DOCK9: variants seen among roughly 807,000 people sequenced by gnomAD.
DOCK9 encodes the protein dedicator of cytokinesis 9.
DOCK9 carries 89 observed loss-of-function variants against 263.3 expected under a neutral mutation model. The observed-to-expected ratio is 0.34, with a 90% CI of 0.28 to 0.40. The LOEUF is 0.40. Among genes scored for constraint, DOCK9 ranks in the 10% least tolerant of loss-of-function variants. DOCK9 has a pLI of 1.00. For synonymous variants in DOCK9, 976 were observed against 973.1 expected, an observed-to-expected ratio of 1.00 and a Z score of -0.06; for missense variants, 2,140 against 2,603.4, an observed-to-expected ratio of 0.82 and a Z score of 3.87.
At chr13:98,884,011 G>C (rs1224639214) in intron 21 of DOCK9, 112 bp from the exon 22 acceptor site, 5 of 742,324 alleles carry the variant, frequency 6.7e-6, no homozygotes, top group Non-Finnish European at 8.6e-6. Context: ...GAGAACTTTA[G>C]TGACTTGGCG....
chr13:98,804,526 G>A (rs1190392016), intron 49 of DOCK9, among the ~76,000 whole-genome samples: 2 of 152,116 alleles, frequency 1.3e-5, no homozygotes, highest in African/African-American at 4.8e-5. Flanking sequence ...GCCAGCCCCC[G>A]GGGGCAACAG....
intron 34 of DOCK9, among the ~76,000 whole-genome samples, chr13:98,854,354 A>C (rs1160529016): frequency 6.6e-6 from 1 of 152,160 alleles, no homozygotes; most frequent in Non-Finnish European, 1.5e-5. Context: ...CAATAGTGGA[A>C]AAAAGATGTT....
chr13:98,983,333 G>A (rs1012153379), intron 1 of DOCK9, among the ~76,000 whole-genome samples: 32 of 152,158 alleles, frequency 2.1e-4, no homozygotes, highest in African/African-American at 7.5e-4. Flanking sequence ...AAAGGGGCCC[G>A]AAAATGATCT....
At chr13:99,080,489 A>T (rs2042083435) in intron 1 of DOCK9, among the ~76,000 whole-genome samples, 1 of 152,224 alleles carries the variant, frequency 6.6e-6, no homozygotes, top group Admixed American at 6.5e-5. Context: ...CAGCCAATCA[A>T]TGAAATTGTT....
chr13:98,918,856 G>T, intron 7 of DOCK9, among the ~76,000 whole-genome samples: 1 of 152,178 alleles, frequency 6.6e-6, no homozygotes, highest in Non-Finnish European at 1.5e-5. Flanking sequence ...CAGGAAGGAA[G>T]ACAGGCCGAA....
intron 1 of DOCK9, among the ~76,000 whole-genome samples, chr13:99,049,586 T>C (rs1413461447): frequency 6.6e-6 from 1 of 152,144 alleles, no homozygotes; most frequent in African/African-American, 2.4e-5. Context: ...AGCACAATCA[T>C]GGCTCGCTGC....
intron 1 of DOCK9, among the ~76,000 whole-genome samples, chr13:99,068,914 CT>C (rs2041549955): frequency 6.6e-6 from 1 of 152,318 alleles, no homozygotes; most frequent in East Asian, 1.9e-4. Context: ...CATAGGAACT[CT>C]GCTTTCTACT....
At chr13:99,049,378 T>A (rs1280495434) in intron 1 of DOCK9, among the ~76,000 whole-genome samples, 1 of 151,794 alleles carries the variant, frequency 6.6e-6, no homozygotes, top group Non-Finnish European at 1.5e-5. Flanking sequence ...GGCCATGGAG[T>A]AAGGACATCT....
intron 1 of DOCK9, among the ~76,000 whole-genome samples, chr13:99,037,020 CTG>C (rs1381640040): frequency 1.3e-5 from 2 of 152,148 alleles, no homozygotes; most frequent in African/African-American, 4.8e-5. Context: ...AGCTCAGACT[CTG>C]ATGGATTTTT....
At chr13:98,855,776 GC>G in intron 34 of DOCK9, 121 bp downstream of exon 34, 1 of 1,163,292 alleles carries the variant, frequency 8.6e-7, no homozygotes. Flanking sequence ...CTCCAGGTCA[GC>G]CGGGTGGTTT....
intron 6 of DOCK9, 128 bp from the exon 7 acceptor site, chr13:98,921,216 G>A (rs1475284873): frequency 1.1e-6 from 1 of 930,614 alleles, no homozygotes; most frequent in East Asian, 2.7e-5. Flanking sequence ...TGATGCTCCA[G>A]GTCACTGTGG....
chr13:98,877,501 T>C (rs917485598), intron 27 of DOCK9, among the ~76,000 whole-genome samples: 2 of 152,178 alleles, frequency 1.3e-5, no homozygotes, highest in African/African-American at 4.8e-5. Flanking sequence ...CTTATGTTCA[T>C]GTAGTTCCCT....
intron 49 of DOCK9, among the ~76,000 whole-genome samples, chr13:98,801,717 G>T (rs1300660049): frequency 6.6e-6 from 1 of 152,044 alleles, no homozygotes; most frequent in Non-Finnish European, 1.5e-5. Flanking sequence ...ACAAGCAAAC[G>T]TCAGATGGGA....
chr13:98,794,549 C>G lies in DOCK9; in HGVS notation c.*77G>C. 6.7e-7 allele frequency: 1 copy of G among 1,502,944 alleles called. No individual in the cohort carries two copies. Among genetic ancestry groups the G allele is most frequent in the Non-Finnish European group, 9.0e-7 (1 of 1,111,874 alleles). The allele number at this position is 1,502,944 out of a possible 1,614,324, so 93.1% of individuals were successfully genotyped here. ...TTGGTCCTCCCTGTGCTCGGTCTCCCCAGTGATTGGCTTTGGAAAGCATCC... is the reference window on the plus strand; with the variant it reads ...TTGGTCCTCCCTGTGCTCGGTCTCCGCAGTGATTGGCTTTGGAAAGCATCC... On this transcript the variant is annotated 3_prime_UTR_variant, in exon 53 of 53. Transcript: ENST00000682017.
chr13:99,033,349 T>C (rs1887544935), intron 1 of DOCK9, among the ~76,000 whole-genome samples: 1 of 152,178 alleles, frequency 6.6e-6, no homozygotes. Flanking sequence ...GTAAAAACTC[T>C]AATAACCAGT....
intron 2 of DOCK9, among the ~76,000 whole-genome samples, chr13:98,933,342 C>G (rs1163803584): frequency 6.6e-6 from 1 of 151,572 alleles, no homozygotes; most frequent in African/African-American, 2.4e-5. Context: ...TTTTTATTCT[C>G]TTATATCAAA....
intron 35 of DOCK9, among the ~76,000 whole-genome samples, chr13:98,850,870 C>CT (rs1228231195): frequency 6.6e-6 from 1 of 152,086 alleles, no homozygotes; most frequent in Non-Finnish European, 1.5e-5. Context: ...AATAGCTAAC[C>CT]TTTTTTGCAT....
intron 27 of DOCK9, among the ~76,000 whole-genome samples, chr13:98,873,934 T>C (rs769423125): frequency 1.8e-4 from 27 of 152,238 alleles, no homozygotes; most frequent in Non-Finnish European, 3.5e-4. Flanking sequence ...CCTTCTTCTA[T>C]GATCTCACGC....
In DOCK9 at chr13:98,866,582, T is replaced by A. The variant is rs560184192; in HGVS notation, c.3286+843A>T. ...CTATTGCTTGACAGACCTGACAGAC[T>A]AATTTGTTCAATTTGATTTACTCAG... On this transcript the variant is annotated intron_variant, in intron 30 of 52. Transcript: ENST00000682017. Among the ~76,000 whole-genome samples, 13 of 152,368 alleles carry A rather than the reference T, an allele frequency of 8.5e-5. No homozygotes were observed. The South Asian group carries it at 2.7e-3, about 32-fold the overall frequency.
Sources: gnomAD v4.1 joint callset for allele counts (sites outside exome capture counted in the v4.1 genomes callset) on GRCh38, gnomAD v4.1.1 for gene constraint, MANE v1.5 for transcripts, NCBI Gene and HGNC (gene_info 2026-07-23, HGNC 2026-07-21) for gene names.